The following ALG12 variants were observed in gnomAD, a reference collection of about 807,000 sequenced individuals.
ALG12 encodes dol-P-Man:Man(7)GlcNAc(2)-PP-Dol alpha-1,6-mannosyltransferase.
In ALG12, 36 loss-of-function variants were observed where a neutral mutation model predicts 46.0. That is an observed-to-expected ratio of 0.78 (90% CI 0.60 to 1.03). The LOEUF is 1.03. Among genes scored for constraint, ALG12 ranks in the 50% least tolerant of loss-of-function variants. ALG12 has a pLI of 0.00. For synonymous variants in ALG12, 326 were observed against 291.6 expected, an observed-to-expected ratio of 1.12 and a Z score of -1.20; for missense variants, 599 against 633.5, an observed-to-expected ratio of 0.95 and a Z score of 0.58.
At chr22:49,875,431 T>TC in the ALG12 span, among the ~76,000 whole-genome samples, 1 of 151,182 alleles carries the variant, frequency 6.6e-6, no homozygotes, top group African/African-American at 2.4e-5. Flanking sequence ...TTTTTTTTTC[T>TC]TTTTTTTGAG....
intron 1 of ALG12, among the ~76,000 whole-genome samples, chr22:49,916,794 T>TA (rs2060612462): frequency 6.6e-6 from 1 of 152,008 alleles, no homozygotes; most frequent in Non-Finnish European, 1.5e-5. Context: ...TCTACAAAAA[T>TA]AAAAAATAAA....
At chr22:49,886,761 C>T in the ALG12 span, 559 of 1,612,086 alleles carry the variant, frequency 3.5e-4, 1 homozygote, top group Non-Finnish European at 4.3e-4. This position sits in a 1 kb window ranked among gnomAD's most constrained non-coding sequence, Gnocchi z 7.7. Context: ...TCAGGGAACT[C>T]GAACTCATGA....
chr22:49,859,736 T>C, the ALG12 span, among the ~76,000 whole-genome samples: 1 of 152,240 alleles, frequency 6.6e-6, no homozygotes, highest in African/African-American at 2.4e-5. Context: ...ATTAAAATTA[T>C]GTAGTTTTGC....
chr22:49,903,723 C>A lies in ALG12; in HGVS notation c.*115G>T, dbSNP rs772785699. 7 of 1,227,398 alleles carry A rather than the reference C, an allele frequency of 5.7e-6. No individual in the cohort carries two copies. The highest frequency in any genetic ancestry group is 8.2e-6 in the Non-Finnish European group (7 of 852,766). The allele number at this position is 1,227,398 out of a possible 1,614,324, so 76.0% of individuals were successfully genotyped here. A position where few individuals can be genotyped will look rare whatever the true frequency, so the allele number is the denominator to read the frequency against. The stretch of plus-strand genomic sequence containing the variant: ...CTGGTGTCTGTCAGAGGCAGGTGCC[C>A]AGTCCTTTGACTTGCTTCTCTGAAT... On this transcript the variant is annotated 3_prime_UTR_variant, in exon 10 of 10. Transcript: ENST00000330817.
Position 49,904,199 on chromosome 22 carries a change from G to C in ALG12, c.1218C>G (p.Leu406=). ...AAAQTGVSRF[L]QVNSAWRYDK... Reference sequence around the variant, plus strand: ...CCTACCTCCAGGCGCTGTTGACTTGGAGAAACCGAGACACACCTGTCTGGG... The same window carrying C: ...CCTACCTCCAGGCGCTGTTGACTTGCAGAAACCGAGACACACCTGTCTGGG... The change falls in exon 9 of 10, where the codon CTC becomes CTG. Residue 406 remains leucine, a synonymous_variant. Coordinates refer to ENST00000330817, the MANE Select transcript of ALG12 (RefSeq NM_024105.4). 2.5e-6 allele frequency: 4 copies of C among 1,614,172 alleles called. No homozygotes were observed. The highest frequency in any genetic ancestry group is 3.4e-6 in the Non-Finnish European group (4 of 1,180,022).
At position 49,906,550 on chromosome 22, in the gene ALG12, G is replaced by A. The variant is rs1433876630; in HGVS notation, c.992+1171C>T. 6.6e-6 allele frequency among the ~76,000 whole-genome samples: 1 copy of A among 152,180 alleles called. No individual in the cohort carries two copies. The highest frequency in any genetic ancestry group is 1.5e-5 in the Non-Finnish European group (1 of 68,020). On this transcript the variant is annotated intron_variant, in intron 7 of 9. Coordinates refer to ENST00000330817, the MANE Select transcript of ALG12 (RefSeq NM_024105.4). The surrounding 1 kb of genome is among the most constrained non-coding windows in gnomAD (Gnocchi z 4.4). ...AGTGCGGGGCAGTCGGAGCTGGGGGGCACCATCCCCTCCCCTGTAACAAGT... is the reference window on the plus strand; with the variant it reads ...AGTGCGGGGCAGTCGGAGCTGGGGGACACCATCCCCTCCCCTGTAACAAGT...
At chr22:49,904,738 T>C (rs1018062381) in intron 7 of ALG12, among the ~76,000 whole-genome samples, 1 of 152,074 alleles carries the variant, frequency 6.6e-6, no homozygotes, top group African/African-American at 2.4e-5. Flanking sequence ...GATGAGATTT[T>C]AAAATATATA....
the ALG12 span, chr22:49,884,128 T>C: frequency 6.2e-7 from 1 of 1,613,668 alleles, no homozygotes; most frequent in East Asian, 2.2e-5. Flanking sequence ...GAGTACCAGT[T>C]GTCTCATGAG....
chr22:49,883,958 T>C, the ALG12 span: 1 of 1,613,656 alleles, frequency 6.2e-7, no homozygotes, highest in Non-Finnish European at 8.5e-7. Context: ...GACGTGGCCA[T>C]GGAGGCCGTG....
At position 49,902,984 on chromosome 22, in the gene ALG12, T is replaced by TG; in HGVS notation, c.*853dup. 2 of 330,384 alleles carry TG rather than the reference T, an allele frequency of 6.1e-6. No homozygotes were observed. 20.5% of individuals were successfully genotyped at this position (330,384 alleles called of 1,614,324 possible). ...TGCACGTGTGCACTGTGTGCATGCG[T>TG]GTGTGGTGTGTGTGCATGTATGCAT... On this transcript the variant is annotated 3_prime_UTR_variant, in exon 10 of 10. Transcript: ENST00000330817.
intron 5 of ALG12, 146 bp downstream of exon 5, chr22:49,909,748 G>A (rs940183402): frequency 1.7e-6 from 2 of 1,168,998 alleles, no homozygotes; most frequent in Admixed American, 4.0e-5. Flanking sequence ...CCCGGGCAGG[G>A]GGCTTAGGAT....
At chr22:49,885,065 C>T in the ALG12 span, 10 of 1,611,596 alleles carry the variant, frequency 6.2e-6, no homozygotes, top group Non-Finnish European at 8.5e-6. Flanking sequence ...TTCTCCCTGG[C>T]CCCCATGGAC....
At position 49,902,297 on chromosome 22, in the gene ALG12, G is replaced by A. The variant is rs1194212872; in HGVS notation, c.*1541C>T. 2 of 139,278 alleles carry A rather than the reference G, an allele frequency of 1.4e-5. No individual in the cohort carries two copies. Among genetic ancestry groups the A allele is most frequent in the Admixed American group, 7.1e-5 (1 of 14,184 alleles). The allele number at this position is 139,278 out of a possible 1,614,324, so 8.6% of individuals were successfully genotyped here. On this transcript the variant is annotated 3_prime_UTR_variant, in exon 10 of 10. Coordinates refer to ENST00000330817, the MANE Select transcript of ALG12 (RefSeq NM_024105.4). ...TGTGCACTGTATGCATAGTGTGCAC[G>A]TGTGCACTGTGTGTGGATGCATGGT...
the ALG12 span, among the ~76,000 whole-genome samples, chr22:49,871,772 T>TTTTTTA: frequency 6.8e-6 from 1 of 147,720 alleles, no homozygotes; most frequent in South Asian, 2.1e-4. Context: ...TTTTTTTTTT[T>TTTTTTA]GAGACAGAGT....
chr22:49,875,596 T>C, the ALG12 span, among the ~76,000 whole-genome samples: 1 of 151,876 alleles, frequency 6.6e-6, no homozygotes, highest in Non-Finnish European at 1.5e-5. Flanking sequence ...AATTTTTGTA[T>C]TTTTAGTAGA....
At chr22:49,883,639 C>T in the ALG12 span, 1 of 1,511,616 alleles carries the variant, frequency 6.6e-7, no homozygotes, top group East Asian at 2.3e-5. Flanking sequence ...ACCTAAGATA[C>T]AGCCGGAGTA....
downstream of ALG12, among the ~76,000 whole-genome samples, chr22:49,895,994 G>A (rs1331497543): frequency 6.6e-6 from 1 of 152,196 alleles, no homozygotes; most frequent in South Asian, 2.1e-4. Flanking sequence ...GCTCAGCACT[G>A]TGCCCCAGGG....
chr22:49,862,858 C>G, the ALG12 span, among the ~76,000 whole-genome samples: 2 of 151,972 alleles, frequency 1.3e-5, no homozygotes, highest in East Asian at 1.9e-4. Flanking sequence ...CCCACCACCA[C>G]GCCTGGCTAA....
chr22:49,884,112 A>G, the ALG12 span: 2 of 1,613,614 alleles, frequency 1.2e-6, no homozygotes, highest in Non-Finnish European at 1.7e-6. Context: ...AAAACGAGAA[A>G]GACTTGAGTA....
Sources: gnomAD v4.1 joint callset for allele counts (sites outside exome capture counted in the v4.1 genomes callset) on GRCh38, gnomAD v4.1.1 for gene constraint, Gnocchi (gnomAD v3.1) non-coding constraint, MANE v1.5 for transcripts, NCBI Gene and HGNC (gene_info 2026-07-23, HGNC 2026-07-21) for gene names.